NAT1: variants seen among roughly 807,000 people sequenced by gnomAD.
NAT1 encodes the protein N-acetyltransferase 1.
For missense variants in NAT1, 400 were observed against 339.2 expected (o/e 1.18, Z -1.41); for synonymous variants, 144 against 122.6 (o/e 1.17, Z -1.16).
chr8:18,208,407 T>C (rs1803823908), upstream of NAT1, among the ~76,000 whole-genome samples: 2 of 152,168 alleles, frequency 1.3e-5, no homozygotes, highest in South Asian at 4.1e-4. Context: ...TCATAAAAAT[T>C]GTTAAATCCA....
rs1173479195 is a variant in NAT1, at chr8:18,215,932, C to G, written c.-85-3479C>G. 2.0e-5 allele frequency among the ~76,000 whole-genome samples: 3 copies of G among 152,088 alleles called. No homozygotes were observed. The South Asian group carries it at 6.2e-4, about 31-fold the overall frequency. The stretch of plus-strand genomic sequence containing the variant: ...GTGGGCCTGGGAGACAGGTCTATGC[C>G]TTTCTCTGAAGATGATTTTAAGGAC... On this transcript the variant is annotated intron_variant, in intron 1 of 2. Transcript: ENST00000307719.
chr8:18,174,475 G>T lies in NAT1; in HGVS notation n.92+3736G>T, dbSNP rs1589047046. Among the ~76,000 whole-genome samples, 2 of 152,180 alleles carry T rather than the reference G, an allele frequency of 1.3e-5. 1 individual carries two copies. Among genetic ancestry groups the T allele is most frequent in the Admixed American group, 1.3e-4 (2 of 15,250 alleles). ...TACCTTCATAAAGATATTCAAGGAT[G>T]GCTGGAAAATTCTTAAGTTGTCAGA... On this transcript the variant is annotated intron_variant and non_coding_transcript_variant, in intron 2 of 4. Transcript: ENST00000517441.
intron 2 of NAT1, among the ~76,000 whole-genome samples, chr8:18,180,983 T>C (rs1802487047): frequency 6.6e-6 from 1 of 152,134 alleles, no homozygotes; most frequent in Non-Finnish European, 1.5e-5. Context: ...CTTTAGCTAT[T>C]CAGGGTCTTT....
At chr8:18,206,530 A>G (rs1803730826), upstream of NAT1, among the ~76,000 whole-genome samples, 1 of 152,228 alleles carries the variant, frequency 6.6e-6, no homozygotes, top group South Asian at 2.1e-4. Context: ...ACAGGACTGT[A>G]TGTATGAGCA....
chr8:18,183,705 T>G (rs1802612424), intron 2 of NAT1, among the ~76,000 whole-genome samples: 1 of 152,106 alleles, frequency 6.6e-6, no homozygotes, highest in Non-Finnish European at 1.5e-5. Flanking sequence ...ATCAAACTAT[T>G]TATTTATATG....
At chr8:18,207,003 G>C (rs561261689), upstream of NAT1, among the ~76,000 whole-genome samples, 15 of 151,952 alleles carry the variant, frequency 9.9e-5, no homozygotes, top group East Asian at 2.7e-3. Flanking sequence ...TTATAGTTTT[G>C]GGTTTTATAT....
At position 18,222,669 on chromosome 8, in the gene NAT1, T is replaced by C. The variant is rs773830510; in HGVS notation, c.622T>C (p.Tyr208His). 6.8e-6 allele frequency: 11 copies of C among 1,613,992 alleles called. No homozygotes were observed. Among genetic ancestry groups the C allele is most frequent in the Non-Finnish European group, 8.5e-6 (10 of 1,179,986 alleles). ...TIEDFESMNT[Y>H]LQTSPSSVFT... ...TGAAGATTTTGAGTCTATGAATACA[T>C]ACCTGCAGACATCTCCATCATCTGT... The change falls in exon 3 of 3, where the codon TAC becomes CAC. Residue 208 changes from tyrosine to histidine, a missense_variant. Transcript: ENST00000307719.
chr8:18,222,415 C>T lies in NAT1; in HGVS notation c.368C>T (p.Ala123Val), dbSNP rs771202638. ...TIDGRNYIVD[A>V]GFGRSYQMWQ... ...GATGGCAGGAACTACATTGTCGATG[C>T]TGGGTTTGGACGCTCATACCAGATG... The change falls in exon 3 of 3, where the codon GCT (alanine) becomes GTT (valine). Residue 123 changes from alanine to valine, a missense_variant. Transcript: ENST00000307719. The T allele has an allele frequency of 4.3e-6, 7 of 1,614,040 alleles. No individual in the cohort carries two copies. Among genetic ancestry groups the T allele is most frequent in the Non-Finnish European group, 5.9e-6 (7 of 1,179,992 alleles).
chr8:18,183,852 A>G (rs1422051783), intron 2 of NAT1, among the ~76,000 whole-genome samples: 1 of 152,144 alleles, frequency 6.6e-6, no homozygotes, highest in Non-Finnish European at 1.5e-5. Context: ...TTGGAAAAAA[A>G]TCTTGACTCT....
intron 2 of NAT1, among the ~76,000 whole-genome samples, chr8:18,192,536 C>A (rs1243607676): frequency 6.6e-6 from 1 of 152,172 alleles, no homozygotes; most frequent in Non-Finnish European, 1.5e-5. Context: ...AAGACACATG[C>A]ACACCTATGT....
At chr8:18,213,919 T>C (rs1405156178) in intron 1 of NAT1, among the ~76,000 whole-genome samples, 1 of 151,944 alleles carries the variant, frequency 6.6e-6, no homozygotes, top group Non-Finnish European at 1.5e-5. Context: ...GTTCACGCCA[T>C]TCTCCTGCCT....
chr8:18,206,260 T>C (rs1803715575), upstream of NAT1, among the ~76,000 whole-genome samples: 1 of 152,192 alleles, frequency 6.6e-6, no homozygotes, highest in South Asian at 2.1e-4. Context: ...CAGACCCATG[T>C]AGGGTTCCCA....
intron 2 of NAT1, among the ~76,000 whole-genome samples, chr8:18,176,185 T>A (rs547575520): frequency 6.6e-6 from 1 of 152,134 alleles, no homozygotes. Flanking sequence ...ATTGTTTCTT[T>A]TGCCGTGCAG....
intron 2 of NAT1, among the ~76,000 whole-genome samples, chr8:18,221,455 T>C (rs1805291875): frequency 6.6e-6 from 1 of 152,152 alleles, no homozygotes; most frequent in African/African-American, 2.4e-5. Flanking sequence ...CAATTTCCTA[T>C]ATATGTCACT....
chr8:18,190,536 C>A (rs1469405783), intron 2 of NAT1, among the ~76,000 whole-genome samples: 1 of 152,218 alleles, frequency 6.6e-6, no homozygotes, highest in Admixed American at 6.5e-5. Context: ...AGGACTGACT[C>A]TGAAAACCGA....
At chr8:18,197,354 C>T (rs2117278738) in intron 2 of NAT1, among the ~76,000 whole-genome samples, 1 of 152,334 alleles carries the variant, frequency 6.6e-6, no homozygotes, top group Non-Finnish European at 1.5e-5. Flanking sequence ...CATCATACAG[C>T]CATCGGGGGA....
At chr8:18,221,227 A>G (rs8190849) in intron 2 of NAT1, among the ~76,000 whole-genome samples, 6 of 150,554 alleles carry the variant, frequency 4.0e-5, no homozygotes, top group Admixed American at 1.3e-4. Context: ...CTGTTTTCCT[A>G]CTTGGAACAA....
chr8:18,222,950 G>T lies in NAT1; in HGVS notation c.*30G>T. ...AGGAGTAAAACAATCTTGTCTATTTGTCATCCAGCTCACCAGTTATCAACT... is the reference window on the plus strand; with the variant it reads ...AGGAGTAAAACAATCTTGTCTATTTTTCATCCAGCTCACCAGTTATCAACT... On this transcript the variant is annotated 3_prime_UTR_variant, in exon 3 of 3. Coordinates refer to ENST00000307719, the MANE Select transcript of NAT1 (RefSeq NM_000662.8). 6.6e-7 allele frequency: 1 copy of T among 1,508,140 alleles called. No homozygotes were observed. Among genetic ancestry groups the T allele is most frequent in the Non-Finnish European group, 8.8e-7 (1 of 1,132,768 alleles). The allele number at this position is 1,508,140 out of a possible 1,614,324, so 93.4% of individuals were successfully genotyped here.
At chr8:18,171,873 G>C (rs73666823) in intron 2 of NAT1, among the ~76,000 whole-genome samples, 11 of 152,198 alleles carry the variant, frequency 7.2e-5, no homozygotes, top group Non-Finnish European at 1.2e-4. Context: ...GTAAGTAGCA[G>C]TGGTTGCCAA....
Sources: allele counts gnomAD v4.1 joint callset (sites outside exome capture counted in the v4.1 genomes callset), GRCh38; gene constraint gnomAD v4.1.1; transcripts MANE v1.5; gene names NCBI Gene and HGNC (gene_info 2026-07-23, HGNC 2026-07-21).